Variants in EPHA3 observed in about 807,000 individuals in gnomAD.
EPHA3 encodes ephrin type-A receptor 3.
Under a neutral mutation model 107.1 loss-of-function variants are expected in EPHA3, and 42 were observed. The observed-to-expected ratio is 0.39, with a 90% confidence interval of 0.31 to 0.51. The LOEUF is 0.51. Ranked by LOEUF, EPHA3 falls within the 20% of genes least tolerant of loss-of-function variation. The pLI is 0.78. For missense variants in EPHA3, 1,183 were observed against 1,211.2 expected (o/e 0.98, Z 0.35); for synonymous variants, 461 against 424.8 (o/e 1.09, Z -1.05).
At chr3:89,384,081 A>G (rs770535844) in intron 5 of EPHA3, among the ~76,000 whole-genome samples, 2 of 152,126 alleles carry the variant, frequency 1.3e-5, no homozygotes, top group African/African-American at 2.4e-5. Context: ...AGCCATCTAT[A>G]CTGAGATAAA....
intron 3 of EPHA3, among the ~76,000 whole-genome samples, chr3:89,274,826 A>G (rs1191556091): frequency 6.6e-6 from 1 of 152,016 alleles, no homozygotes; most frequent in African/African-American, 2.4e-5. Flanking sequence ...CCCAATAATC[A>G]TGCATAATCT....
chr3:89,455,822 T>G (rs1710086941), intron 15 of EPHA3, among the ~76,000 whole-genome samples: 1 of 152,218 alleles, frequency 6.6e-6, no homozygotes. Context: ...GCAGCACCAG[T>G]GAAATAAAGT....
chr3:89,189,258 T>C (rs1284543137), intron 2 of EPHA3, among the ~76,000 whole-genome samples: 1 of 152,216 alleles, frequency 6.6e-6, no homozygotes, highest in East Asian at 1.9e-4. Flanking sequence ...TTCATTTCAT[T>C]AGTATTAATG....
At chr3:89,292,383 G>A (rs1195642295) in intron 3 of EPHA3, among the ~76,000 whole-genome samples, 2 of 152,142 alleles carry the variant, frequency 1.3e-5, no homozygotes, top group African/African-American at 4.8e-5. Context: ...TGCGGAGGTT[G>A]TATGCAAATA....
chr3:89,216,958 G>T (rs1474953772), intron 3 of EPHA3, among the ~76,000 whole-genome samples: 1 of 152,034 alleles, frequency 6.6e-6, no homozygotes, highest in Non-Finnish European at 1.5e-5. Context: ...CCCTCCTGAT[G>T]GACTTAGATT....
chr3:89,223,983 C>A (rs1704443541), intron 3 of EPHA3, among the ~76,000 whole-genome samples: 1 of 152,096 alleles, frequency 6.6e-6, no homozygotes, highest in African/African-American at 2.4e-5. Flanking sequence ...GGTTCAAAAT[C>A]TGAACACAGC....
At chr3:89,199,519 CAT>C (rs10575421) in intron 2 of EPHA3, among the ~76,000 whole-genome samples, 117,445 of 151,862 alleles carry the variant, frequency 0.77, 45,723 homozygotes, top group Middle Eastern at 0.88. Flanking sequence ...TTTAGCATAA[CAT>C]ATATCTGTTT....
intron 2 of EPHA3, among the ~76,000 whole-genome samples, chr3:89,157,579 T>C (rs1576191364): frequency 1.3e-5 from 2 of 152,110 alleles, no homozygotes; most frequent in Admixed American, 1.3e-4. Context: ...TAAATAACCC[T>C]GCTGCTCCAA....
At chr3:89,341,603 A>G (rs1025463806) in intron 4 of EPHA3, 152 bp from the exon 5 acceptor site, 9 of 676,636 alleles carry the variant, frequency 1.3e-5, no homozygotes, top group Admixed American at 5.9e-5. Context: ...CCATGTGTCT[A>G]TAATATCATG....
rs142611740 is a variant in EPHA3 at position 89,444,883 on chromosome 3, CT to C, written c.2347-4341del. Among the ~76,000 whole-genome samples the C allele has an allele frequency of 8.6e-3, 1,310 of 152,216 alleles. 12 individuals are homozygous for C. Among genetic ancestry groups the C allele is most frequent in the Non-Finnish European group, 0.012 (836 of 68,026 alleles). Reference sequence around the variant, plus strand: ...CATTATTGGAGCTAAACTAATCCGTCTAATAAGCTACCTATTAGCAGATAAT... The same window carrying C: ...CATTATTGGAGCTAAACTAATCCGTCAATAAGCTACCTATTAGCAGATAAT... On this transcript the variant is annotated intron_variant, in intron 13 of 16. Coordinates refer to ENST00000336596, the MANE Select transcript of EPHA3 (RefSeq NM_005233.6).
At chr3:89,152,912 C>T (rs1187618767) in intron 2 of EPHA3, among the ~76,000 whole-genome samples, 1 of 152,026 alleles carries the variant, frequency 6.6e-6, no homozygotes, top group Non-Finnish European at 1.5e-5. Context: ...ACCCAAGGCT[C>T]AGTTTGTAGT....
intron 1 of EPHA3, among the ~76,000 whole-genome samples, chr3:89,109,864 G>A (rs1423585647): frequency 1.3e-5 from 2 of 151,912 alleles, no homozygotes; most frequent in Admixed American, 6.6e-5. Flanking sequence ...TGTGTCCTAT[G>A]GGTAGTGTCT....
At chr3:89,237,525 A>AT (rs1444274479) in intron 3 of EPHA3, among the ~76,000 whole-genome samples, 30 of 152,266 alleles carry the variant, frequency 2.0e-4, no homozygotes, top group African/African-American at 7.0e-4. Flanking sequence ...TTGACTTTTC[A>AT]TTTTTTCCTA....
chr3:89,152,777 A>T (rs1303961078), intron 2 of EPHA3, among the ~76,000 whole-genome samples: 1 of 152,136 alleles, frequency 6.6e-6, no homozygotes, highest in Non-Finnish European at 1.5e-5. Context: ...AATTGTTAAT[A>T]TGTTTCTAAA....
intron 2 of EPHA3, among the ~76,000 whole-genome samples, chr3:89,137,696 C>A (rs1265604277): frequency 2.0e-5 from 3 of 151,802 alleles, no homozygotes; most frequent in Non-Finnish European, 4.4e-5. Flanking sequence ...TATGAGATTC[C>A]TTGGGAGTTG....
rs771171216 is a variant in EPHA3 at position 89,472,477 on chromosome 3, C to T, written c.2704C>T (p.Leu902Phe). 1.9e-6 allele frequency: 3 copies of T among 1,613,658 alleles called. No individual in the cohort carries two copies. In the South Asian group the frequency reaches 3.3e-5, roughly 18 times the overall value. The change falls in exon 16 of 17, where the codon CTT (leucine) becomes TTT (phenylalanine). Residue 902 changes from leucine (L) to phenylalanine (F), a missense_variant. By Grantham distance (22) the Leu-to-Phe change is conservative (BLOSUM62 0). Coordinates refer to ENST00000336596, the MANE Select transcript of EPHA3 (RefSeq NM_005233.6). Reference sequence around the variant, plus strand: ...TTTTTCTTGCAGGCCATCAAACCTTCTTCTGGACCAAAGCAATGTGGATAT... The same window carrying T: ...TTTTTCTTGCAGGCCATCAAACCTTTTTCTGGACCAAAGCAATGTGGATAT... ...TSAAARPSNL[L>F]LDQSNVDITT...
intron 3 of EPHA3, among the ~76,000 whole-genome samples, chr3:89,229,357 C>A: frequency 6.6e-6 from 1 of 151,534 alleles, no homozygotes; most frequent in East Asian, 1.9e-4. Flanking sequence ...TTATTCCTGC[C>A]TAATTATTTA....
chr3:89,204,796 A>T (rs1398396540), intron 2 of EPHA3, among the ~76,000 whole-genome samples: 1 of 152,126 alleles, frequency 6.6e-6, no homozygotes, highest in East Asian at 1.9e-4. Context: ...TAAATGCCCA[A>T]ATACTTCCAG....
At position 89,346,518 on chromosome 3, in the gene EPHA3, G is replaced by C. The variant is rs1179732372; in HGVS notation, c.1306+4428G>C. Among the ~76,000 whole-genome samples, 356 of 147,976 alleles carry C rather than the reference G, an allele frequency of 2.4e-3. 17 individuals are homozygous for C. The highest frequency in any genetic ancestry group is 4.7e-3 in the Admixed American group (69 of 14,796). On this transcript the variant is annotated intron_variant, in intron 5 of 16. Coordinates refer to ENST00000336596, the MANE Select transcript of EPHA3 (RefSeq NM_005233.6). ...GGTTCATTGTAGATTCTGGATATTA[G>C]CCCTTTGTCAGATGAGTAGGTTGCG...
Sources: gnomAD v4.1 joint callset for allele counts (sites outside exome capture counted in the v4.1 genomes callset) on GRCh38, gnomAD v4.1.1 for gene constraint, MANE v1.5 for transcripts, NCBI Gene and HGNC (gene_info 2026-07-23, HGNC 2026-07-21) for gene names.